PAM: variants seen among roughly 807,000 people sequenced by gnomAD.
The protein encoded by PAM is peptidylglycine alpha-amidating monooxygenase, also known as peptidyl-glycine alpha-amidating monooxygenase.
A neutral mutation model predicts 122.1 loss-of-function variants in PAM; 72 were observed. That is an observed-to-expected ratio of 0.59 (90% confidence interval 0.49 to 0.72). The LOEUF is 0.72. Ranked by LOEUF, PAM falls within the 30% of genes least tolerant of loss-of-function variation. The pLI is 0.00. For missense variants in PAM, 1,106 were observed against 1,183.7 expected, an observed-to-expected ratio of 0.93 and a Z score of 0.96; for synonymous variants, 389 against 404.4, an observed-to-expected ratio of 0.96 and a Z score of 0.46.
chr5:102,782,725 C>G (rs112276286), intron 1 of PAM, among the ~76,000 whole-genome samples: 4,488 of 140,114 alleles, frequency 0.032, 237 homozygotes, highest in African/African-American at 0.11. Context: ...CTCTCTCTCT[C>G]TGTGTGTGTG....
chr5:102,819,364 T>G lies in PAM; in HGVS notation c.-373-46459T>G, dbSNP rs184775107. Among the ~76,000 whole-genome samples, 14 of 152,208 alleles carry G rather than the reference T, an allele frequency of 9.2e-5. No homozygotes were observed. The East Asian group carries it at 2.7e-3, about 29-fold the overall frequency. On this transcript the variant is annotated intron_variant, in intron 1 of 25. Transcript: ENST00000438793. The stretch of plus-strand genomic sequence containing the variant: ...AGGGTGTCACTTGCTAGAAAAGTTT[T>G]GAAAGTGCTGGTGTGATAATATGAA...
intron 1 of PAM, among the ~76,000 whole-genome samples, chr5:102,815,172 A>T (rs1013936854): frequency 2.0e-5 from 3 of 152,124 alleles, no homozygotes; most frequent in African/African-American, 7.2e-5. Flanking sequence ...CTCTACAGTT[A>T]ACAGTATTTC....
chr5:103,025,581 T>A (rs1784732103), intron 24 of PAM, among the ~76,000 whole-genome samples: 1 of 152,170 alleles, frequency 6.6e-6, no homozygotes, highest in African/African-American at 2.4e-5. Flanking sequence ...TAATACTATC[T>A]TTTAGCAATT....
intron 1 of PAM, among the ~76,000 whole-genome samples, chr5:102,789,515 G>C (rs112382116): frequency 6.6e-6 from 1 of 152,040 alleles, no homozygotes; most frequent in Non-Finnish European, 1.5e-5. Context: ...AAGACATTAC[G>C]CTAGGTGAAA....
intron 7 of PAM, among the ~76,000 whole-genome samples, chr5:102,933,642 G>A (rs552568929): frequency 1.1e-4 from 17 of 152,274 alleles, no homozygotes; most frequent in Non-Finnish European, 1.9e-4. Flanking sequence ...ATCATGGCAG[G>A]AGGAAGAAAA....
chr5:102,954,361 C>T (rs536273076), intron 12 of PAM, among the ~76,000 whole-genome samples: 13 of 151,780 alleles, frequency 8.6e-5, no homozygotes, highest in Admixed American at 5.3e-4. Flanking sequence ...CCTTTGCCTC[C>T]GTGTGGCTTA....
intron 3 of PAM, among the ~76,000 whole-genome samples, chr5:102,869,975 CAA>C (rs927839557): frequency 6.7e-6 from 1 of 150,258 alleles, no homozygotes; most frequent in African/African-American, 2.5e-5. Context: ...TGATCAAGAA[CAA>C]AAATAAAAGG....
intron 17 of PAM, 59 bp from the exon 18 acceptor site, chr5:103,005,095 T>C: frequency 1.1e-6 from 1 of 939,990 alleles, no homozygotes; most frequent in South Asian, 1.3e-5. Flanking sequence ...TAGAAAAATT[T>C]CTGTCACATA....
chr5:102,997,637 A>C (rs1016200228), intron 16 of PAM, among the ~76,000 whole-genome samples: 7 of 152,020 alleles, frequency 4.6e-5, no homozygotes, highest in Non-Finnish European at 1.0e-4. Context: ...AAAATTTTCT[A>C]TTACAACACC....
chr5:102,876,808 G>A (rs975964029), intron 3 of PAM, among the ~76,000 whole-genome samples: 1 of 152,326 alleles, frequency 6.6e-6, no homozygotes, highest in South Asian at 2.1e-4. Flanking sequence ...GGAAGGCAAA[G>A]GCTCTATTCT....
chr5:102,932,100 G>A (rs1437174851), intron 7 of PAM, among the ~76,000 whole-genome samples: 6 of 152,240 alleles, frequency 3.9e-5, no homozygotes, highest in Non-Finnish European at 8.8e-5. Flanking sequence ...AACACTCAGA[G>A]GATGATTGTT....
chr5:102,887,305 C>T (rs1793440423), intron 3 of PAM, among the ~76,000 whole-genome samples: 1 of 151,928 alleles, frequency 6.6e-6, no homozygotes, highest in African/African-American at 2.4e-5. Flanking sequence ...CTCTCTCTTG[C>T]CTCCTCTCTT....
rs116102906 is a variant in PAM, at chr5:102,857,209, C to T, written c.-373-8614C>T. On this transcript the variant is annotated intron_variant, in intron 1 of 25. Transcript: ENST00000438793. ...CAGTTTTAACAGCTACTCCTAGCCT[C>T]AGAGACTGAGAGCAGATAGGGAGCA... Among the ~76,000 whole-genome samples, 389 of 152,266 alleles carry T rather than the reference C, an allele frequency of 2.6e-3. 3 individuals carry two copies. The highest frequency in any genetic ancestry group is 8.9e-3 in the African/African-American group (371 of 41,554).
intron 3 of PAM, among the ~76,000 whole-genome samples, chr5:102,880,442 T>C (rs1040425330): frequency 6.6e-6 from 1 of 152,076 alleles, no homozygotes. Flanking sequence ...TTAACAAATT[T>C]TAGTTGACTA....
intron 1 of PAM, among the ~76,000 whole-genome samples, chr5:102,853,263 C>A (rs1234496598): frequency 6.6e-6 from 1 of 152,120 alleles, no homozygotes; most frequent in Non-Finnish European, 1.5e-5. Context: ...ATTAGTGAAG[C>A]ATATTTCAGA....
intron 4 of PAM, among the ~76,000 whole-genome samples, chr5:102,912,605 A>T (rs1456896000): frequency 2.0e-5 from 3 of 151,116 alleles, no homozygotes; most frequent in Non-Finnish European, 4.4e-5. Flanking sequence ...CTTCGGCTTC[A>T]TGATGATAAG....
chr5:102,977,893 C>T (rs1410698995), intron 15 of PAM, among the ~76,000 whole-genome samples: 3 of 152,056 alleles, frequency 2.0e-5, no homozygotes, highest in Non-Finnish European at 4.4e-5. Context: ...TTAGTTTTCT[C>T]ATCTATAAAA....
At chr5:102,931,221 G>C (rs1048397057) in intron 7 of PAM, among the ~76,000 whole-genome samples, 1 of 152,144 alleles carries the variant, frequency 6.6e-6, no homozygotes, top group Non-Finnish European at 1.5e-5. Context: ...AGATGTTGTA[G>C]TTTCTCATTA....
intron 1 of PAM, among the ~76,000 whole-genome samples, chr5:102,782,364 C>T (rs1189607189): frequency 6.6e-6 from 1 of 152,138 alleles, no homozygotes; most frequent in African/African-American, 2.4e-5. Context: ...GTTTGTTTCA[C>T]CCTTTGTTTT....
Sources: allele counts gnomAD v4.1 joint callset (sites outside exome capture counted in the v4.1 genomes callset), GRCh38; gene constraint gnomAD v4.1.1; transcripts MANE v1.5; gene names NCBI Gene and HGNC (gene_info 2026-07-23, HGNC 2026-07-21).